Variants in ABL1 observed in about 807,000 individuals in gnomAD.
ABL1 encodes the protein tyrosine-protein kinase ABL1.
Under a neutral mutation model 94.7 loss-of-function variants are expected in ABL1, and 11 were observed. The observed-to-expected ratio is 0.12, with a 90% CI of 0.07 to 0.19. The LOEUF is 0.19. Ranked by LOEUF, ABL1 falls within the 10% of genes least tolerant of loss-of-function variation. The probability of loss-of-function intolerance (pLI) is 1.00; values close to 1 mark genes in which losing one functional copy is unlikely to be tolerated. For missense variants in ABL1, 1,082 were observed against 1,489.4 expected (o/e 0.73, Z 4.50); for synonymous variants, 656 against 622.4 (o/e 1.05, Z -0.80).
At chr9:130,852,251 G>A (rs1191243563) in intron 1 of ABL1, among the ~76,000 whole-genome samples, 13 of 151,838 alleles carry the variant, frequency 8.6e-5, no homozygotes, top group Non-Finnish European at 1.5e-4. Flanking sequence ...GTGCAGAGAC[G>A]AGATCTCAGC....
chr9:130,874,754 G>A lies in ABL1; in HGVS notation c.1086-114G>A, dbSNP rs1831312975. ...CGTGGGCATTAATACAAACTTCCAG[G>A]GCATTGGACTCAATCTTTCCATTGT... On this transcript the variant is annotated intron_variant, in intron 6 of 10. Coordinates refer to ENST00000318560, the MANE Select transcript of ABL1 (RefSeq NM_005157.6). The A allele has an allele frequency of 5.3e-6, 6 of 1,129,654 alleles. No homozygotes were observed. The South Asian group carries it at 7.3e-5, about 14-fold the overall frequency. The allele number at this position is 1,129,654 out of a possible 1,614,324, so 70.0% of individuals were successfully genotyped here. A position where few individuals can be genotyped will look rare whatever the true frequency, so the allele number is the denominator to read the frequency against.
chr9:130,881,609 AC>A (rs905680369), intron 10 of ABL1, among the ~76,000 whole-genome samples: 2 of 151,940 alleles, frequency 1.3e-5, no homozygotes, highest in Non-Finnish European at 2.9e-5. Flanking sequence ...TCTCCACCTG[AC>A]CCCACCGTTG....
At chr9:130,747,375 C>CA (rs1245000267) in intron 1 of ABL1, among the ~76,000 whole-genome samples, 1 of 151,486 alleles carries the variant, frequency 6.6e-6, no homozygotes, top group Non-Finnish European at 1.5e-5. Flanking sequence ...GACCCTGTCT[C>CA]AAAAAACCAA....
At chr9:130,745,311 C>T (rs1376877952) in intron 1 of ABL1, among the ~76,000 whole-genome samples, 2 of 151,892 alleles carry the variant, frequency 1.3e-5, no homozygotes, top group African/African-American at 2.4e-5. Flanking sequence ...CTTGAACTCC[C>T]GACCTCAGGT....
At chr9:130,747,038 T>C (rs556848966) in intron 1 of ABL1, among the ~76,000 whole-genome samples, 1 of 152,238 alleles carries the variant, frequency 6.6e-6, no homozygotes, top group Admixed American at 6.5e-5. Flanking sequence ...TCTGACCCCT[T>C]GTTCCATTGT....
chr9:130,774,203 A>G (rs1057282305), intron 1 of ABL1, among the ~76,000 whole-genome samples: 3 of 152,170 alleles, frequency 2.0e-5, no homozygotes, highest in Non-Finnish European at 2.9e-5. Context: ...TTTTTGGGCT[A>G]ATACAAATAA....
intron 4 of ABL1, among the ~76,000 whole-genome samples, chr9:130,864,762 C>T (rs1465797240): frequency 6.6e-6 from 1 of 152,108 alleles, no homozygotes; most frequent in African/African-American, 2.4e-5. Flanking sequence ...TGTGCAGGTG[C>T]CCCAGCTCCT....
intron 1 of ABL1, among the ~76,000 whole-genome samples, chr9:130,777,585 C>G (rs1292446418): frequency 3.6e-5 from 4 of 110,484 alleles, no homozygotes; most frequent in Non-Finnish European, 7.7e-5. Context: ...GCAGGGGAAT[C>G]GAGGAACCTC....
At chr9:130,774,065 C>CTTAT (rs1245888677) in intron 1 of ABL1, among the ~76,000 whole-genome samples, 4 of 152,156 alleles carry the variant, frequency 2.6e-5, no homozygotes, top group African/African-American at 9.7e-5. Context: ...CTTTGCCTGA[C>CTTAT]ATAATTATCT....
chr9:130,775,471 G>C (rs191378387), intron 1 of ABL1, among the ~76,000 whole-genome samples: 3 of 152,042 alleles, frequency 2.0e-5, no homozygotes, highest in Non-Finnish European at 1.5e-5. Context: ...TGAAAACTAC[G>C]ATCAGTGAAA....
At chr9:130,853,594 T>TAATGGA (rs767264793) in intron 1 of ABL1, among the ~76,000 whole-genome samples, 2 of 152,140 alleles carry the variant, frequency 1.3e-5, no homozygotes, top group African/African-American at 2.4e-5. Context: ...TTTGTATGTC[T>TAATGGA]AATGGAGACA....
chr9:130,830,526 C>A (rs1450840518), upstream of ABL1, among the ~76,000 whole-genome samples: 1 of 152,166 alleles, frequency 6.6e-6, no homozygotes, highest in Non-Finnish European at 1.5e-5. Flanking sequence ...GTGTTTCTTT[C>A]TCTTCATAAA....
chr9:130,728,199 G>A (rs1173881757), intron 1 of ABL1, among the ~76,000 whole-genome samples: 2 of 148,842 alleles, frequency 1.3e-5, no homozygotes, highest in Non-Finnish European at 3.0e-5. Flanking sequence ...GAGTAGCTGG[G>A]ACTATGGGCA....
intron 1 of ABL1, among the ~76,000 whole-genome samples, chr9:130,736,666 T>C (rs1032882551): frequency 4.6e-5 from 7 of 152,140 alleles, no homozygotes; most frequent in Non-Finnish European, 8.8e-5. Flanking sequence ...TAATTTTGTA[T>C]TTTTAGTAGA....
intron 1 of ABL1, among the ~76,000 whole-genome samples, chr9:130,849,291 A>C (rs1318439228): frequency 1.3e-5 from 2 of 152,194 alleles, no homozygotes; most frequent in East Asian, 3.8e-4. Flanking sequence ...CTTAGGATAA[A>C]TTCCTAGAGG....
intron 1 of ABL1, among the ~76,000 whole-genome samples, chr9:130,739,362 AT>A (rs140520319): frequency 0.032 from 4,601 of 145,822 alleles, 139 homozygotes; most frequent in African/African-American, 0.073. Context: ...GTCCTTCCTG[AT>A]TTTTTTTTTT....
At chr9:130,871,993 C>T in intron 4 of ABL1, 136 bp from the exon 5 acceptor site, 1 of 685,358 alleles carries the variant, frequency 1.5e-6, no homozygotes, top group East Asian at 2.8e-5. Flanking sequence ...AACCTGTCTG[C>T]AGCAATGTGG....
chr9:130,788,120 C>G (rs913756666), intron 1 of ABL1, among the ~76,000 whole-genome samples: 1 of 152,164 alleles, frequency 6.6e-6, no homozygotes, highest in Non-Finnish European at 1.5e-5. Context: ...GTGCAGTTTG[C>G]TAATACAAAT....
At chr9:130,748,141 A>C (rs1372350906) in intron 1 of ABL1, among the ~76,000 whole-genome samples, 1 of 152,154 alleles carries the variant, frequency 6.6e-6, no homozygotes, top group Non-Finnish European at 1.5e-5. Context: ...AATGAGGTGG[A>C]TTGAGCATCT....
Sources: allele counts gnomAD v4.1 joint callset (sites outside exome capture counted in the v4.1 genomes callset), GRCh38; gene constraint gnomAD v4.1.1; transcripts MANE v1.5; gene names NCBI Gene and HGNC (gene_info 2026-07-23, HGNC 2026-07-21).